PRIM2: variants seen among roughly 807,000 people sequenced by gnomAD.
PRIM2 encodes the protein DNA primase subunit 2, also known as DNA primase large subunit.
Under a neutral mutation model 67.3 loss-of-function variants are expected in PRIM2, and 39 were observed. That is an observed-to-expected ratio of 0.58 (90% confidence interval 0.45 to 0.76). PRIM2 has a LOEUF of 0.76. Ranked by LOEUF, PRIM2 falls within the 30% of genes least tolerant of loss-of-function variation. The pLI is 0.00. For missense variants in PRIM2, 398 were observed against 598.7 expected (o/e 0.66, Z 3.50); for synonymous variants, 143 against 198.7 (o/e 0.72, Z 2.36).
chr6:57,261,204 C>T, the PRIM2 span, among the ~76,000 whole-genome samples: 1 of 152,050 alleles, frequency 6.6e-6, no homozygotes, highest in South Asian at 2.1e-4. Context: ...GGTAAGAAGC[C>T]TAAAGTGGGA....
chr6:57,427,382 G>A (rs1408233821), intron 7 of PRIM2, among the ~76,000 whole-genome samples: 2 of 152,072 alleles, frequency 1.3e-5, no homozygotes. Flanking sequence ...GCAGTGGCCC[G>A]ATCTCAGCTC....
intron 10 of PRIM2, among the ~76,000 whole-genome samples, chr6:57,576,402 A>G (rs1775965724): frequency 1.3e-5 from 2 of 152,062 alleles, no homozygotes; most frequent in African/African-American, 4.8e-5. Flanking sequence ...CAGTTTCTTA[A>G]TGATAAATCA....
intron 7 of PRIM2, among the ~76,000 whole-genome samples, chr6:57,474,956 T>C (rs1773440063): frequency 6.6e-6 from 1 of 152,172 alleles, no homozygotes. Flanking sequence ...TGCTTTAGAT[T>C]CTTTGTTTCT....
chr6:57,370,487 A>G (rs1042965362), intron 5 of PRIM2, among the ~76,000 whole-genome samples: 1 of 152,186 alleles, frequency 6.6e-6, no homozygotes, highest in Non-Finnish European at 1.5e-5. Context: ...TTTGGTTATA[A>G]CTAAATAGAT....
chr6:57,644,072 C>CT (rs1777292815), intron 13 of PRIM2, among the ~76,000 whole-genome samples: 1 of 152,134 alleles, frequency 6.6e-6, no homozygotes, highest in African/African-American at 2.4e-5. Flanking sequence ...CACCACGTCT[C>CT]TTTTTAAGGG....
the PRIM2 span, among the ~76,000 whole-genome samples, chr6:57,231,422 CTG>C: frequency 6.6e-6 from 1 of 152,120 alleles, no homozygotes; most frequent in East Asian, 1.9e-4. Flanking sequence ...AAATTACAAA[CTG>C]AGAAAAAAAT....
chr6:57,614,839 G>A lies in PRIM2; in HGVS notation c.1230+8382G>A, dbSNP rs1194322882. On this transcript the variant is annotated intron_variant, in intron 12 of 13. Coordinates refer to ENST00000615550, the MANE Select transcript of PRIM2 (RefSeq NM_000947.5). The stretch of plus-strand genomic sequence containing the variant: ...CACTCCAGCCTGGGCAACAGAGCGA[G>A]ACTCTGTCTCAAATATATATATATA... Among the ~76,000 whole-genome samples the A allele has an allele frequency of 8.9e-3, 1,358 of 152,214 alleles. 5 individuals are homozygous for A. Among genetic ancestry groups the A allele is most frequent in the Non-Finnish European group, 0.015 (1,036 of 68,008 alleles).
At chr6:57,508,877 T>C (rs1199529795) in intron 8 of PRIM2, among the ~76,000 whole-genome samples, 1 of 152,232 alleles carries the variant, frequency 6.6e-6, no homozygotes, top group Non-Finnish European at 1.5e-5. Flanking sequence ...TTGTTGTATT[T>C]GTTACATACT....
rs1437662365 is a variant in PRIM2, at chr6:57,589,845, C to T, written c.1021-11248C>T. ...TTCCCATGGGAGAAGCAGGATTAAA[C>T]AGACAGAAGAGAGAGGCCTCATAAA... On this transcript the variant is annotated intron_variant, in intron 10 of 13. Coordinates refer to ENST00000615550, the MANE Select transcript of PRIM2 (RefSeq NM_000947.5). Among the ~76,000 whole-genome samples the T allele has an allele frequency of 5.1e-4, 77 of 152,094 alleles. 1 individual carries two copies. Among genetic ancestry groups the T allele is most frequent in the Admixed American group, 5.0e-3 (77 of 15,258 alleles).
At chr6:57,599,451 G>T (rs1776423436) in intron 10 of PRIM2, among the ~76,000 whole-genome samples, 1 of 150,870 alleles carries the variant, frequency 6.6e-6, no homozygotes, top group African/African-American at 2.4e-5. Context: ...TCATTTTGTG[G>T]TCCAAAATCA....
intron 8 of PRIM2, among the ~76,000 whole-genome samples, chr6:57,508,918 C>T (rs1554347463): frequency 2.0e-5 from 3 of 152,080 alleles, no homozygotes; most frequent in Admixed American, 1.3e-4. Flanking sequence ...TTGTATTAGT[C>T]AACATACCTA....
At chr6:57,438,856 T>G (rs1404748361) in intron 7 of PRIM2, among the ~76,000 whole-genome samples, 1 of 151,344 alleles carries the variant, frequency 6.6e-6, no homozygotes, top group East Asian at 2.0e-4. Context: ...CACTGCAACC[T>G]CCGCCTCTGG....
At chr6:57,350,624 G>T (rs993908141) in intron 5 of PRIM2, among the ~76,000 whole-genome samples, 1 of 152,096 alleles carries the variant, frequency 6.6e-6, no homozygotes, top group Admixed American at 6.6e-5. Context: ...CTAGAGCTCT[G>T]TTCTGAGGAC....
the PRIM2 span, among the ~76,000 whole-genome samples, chr6:57,230,300 C>A: frequency 6.6e-6 from 1 of 152,174 alleles, no homozygotes; most frequent in African/African-American, 2.4e-5. Context: ...TGTCTCACTT[C>A]CAGCCTTCTC....
At chr6:57,311,970 C>A (rs1051511377), upstream of PRIM2, among the ~76,000 whole-genome samples, 4 of 125,990 alleles carry the variant, frequency 3.2e-5, no homozygotes, top group South Asian at 8.2e-4. Context: ...GAGATCATGG[C>A]GGTACAGTCC....
At chr6:57,279,402 G>T in the PRIM2 span, among the ~76,000 whole-genome samples, 1 of 152,114 alleles carries the variant, frequency 6.6e-6, no homozygotes, top group Non-Finnish European at 1.5e-5. Context: ...CCAGCTTCAG[G>T]AACTACTAGA....
At chr6:57,228,878 T>A in the PRIM2 span, among the ~76,000 whole-genome samples, 86 of 152,280 alleles carry the variant, frequency 5.6e-4, no homozygotes, top group African/African-American at 2.0e-3. Context: ...CTTAGAAGAG[T>A]GTAAGCCCTC....
At chr6:57,337,228 C>G (rs1361327669) in intron 5 of PRIM2, among the ~76,000 whole-genome samples, 1 of 151,844 alleles carries the variant, frequency 6.6e-6, no homozygotes, top group African/African-American at 2.4e-5. Flanking sequence ...GAGTGACCTA[C>G]AAAGAGACTT....
chr6:57,363,200 A>C (rs1271525265), intron 5 of PRIM2, among the ~76,000 whole-genome samples: 1 of 152,186 alleles, frequency 6.6e-6, no homozygotes, highest in African/African-American at 2.4e-5. Flanking sequence ...CAAACTGGGC[A>C]AAGTATGGGT....
Sources: allele counts gnomAD v4.1 joint callset (sites outside exome capture counted in the v4.1 genomes callset), GRCh38; gene constraint gnomAD v4.1.1; transcripts MANE v1.5; gene names NCBI Gene and HGNC (gene_info 2026-07-23, HGNC 2026-07-21).